Variants in NEK1 observed in about 807,000 individuals in gnomAD.
The protein encoded by NEK1 is serine/threonine-protein kinase Nek1.
In NEK1, 137 loss-of-function variants were observed where a neutral mutation model predicts 182.1. That is an observed-to-expected ratio of 0.75 (90% confidence interval 0.65 to 0.87). The LOEUF is 0.87. Among genes scored for constraint, NEK1 ranks in the 40% least tolerant of loss-of-function variants. NEK1 has a pLI of 0.00. For synonymous variants in NEK1, 513 were observed against 492.2 expected, an observed-to-expected ratio of 1.04 and a Z score of -0.56; for missense variants, 1,391 against 1,494.4, an observed-to-expected ratio of 0.93 and a Z score of 1.14.
chr4:169,570,756 G>T (rs1048804133), intron 12 of NEK1, among the ~76,000 whole-genome samples: 5 of 152,240 alleles, frequency 3.3e-5, no homozygotes, highest in Non-Finnish European at 7.3e-5. Context: ...GTGGGGAAAA[G>T]ATTGAGAAAT....
At chr4:169,403,991 C>G (rs1391040878) in intron 32 of NEK1, among the ~76,000 whole-genome samples, 1 of 151,950 alleles carries the variant, frequency 6.6e-6, no homozygotes, top group Non-Finnish European at 1.5e-5. Context: ...ATACTAAAGG[C>G]TTCTAACTTA....
At chr4:169,499,909 C>G (rs1205428611) in intron 23 of NEK1, among the ~76,000 whole-genome samples, 1 of 152,188 alleles carries the variant, frequency 6.6e-6, no homozygotes, top group Non-Finnish European at 1.5e-5. Context: ...CTGGGACAAC[C>G]ACTACTCTCT....
At chr4:169,582,184 C>T (rs1766761750) in intron 10 of NEK1, among the ~76,000 whole-genome samples, 1 of 151,760 alleles carries the variant, frequency 6.6e-6, no homozygotes, top group South Asian at 2.1e-4. Flanking sequence ...AGAACTGATT[C>T]TTGGTGAGAG....
chr4:169,545,834 CT>C lies in NEK1; in HGVS notation c.1563-7924del, dbSNP rs527622351. On this transcript the variant is annotated intron_variant, in intron 18 of 35. Coordinates refer to ENST00000507142, the MANE Select transcript of NEK1 (RefSeq NM_001199397.3). ...GAGCATTTTTTCATGTGTTTTTTGGCTGCATAAATGTCTTCTTTTGAGAAGT... is the reference window on the plus strand; with the variant it reads ...GAGCATTTTTTCATGTGTTTTTTGGCGCATAAATGTCTTCTTTTGAGAAGT... 2.6e-4 allele frequency among the ~76,000 whole-genome samples: 39 copies of C among 152,170 alleles called. No individual in the cohort carries two copies. The South Asian group carries it at 8.1e-3, about 32-fold the overall frequency.
intron 11 of NEK1, among the ~76,000 whole-genome samples, chr4:169,577,682 A>C (rs1311006431): frequency 6.6e-6 from 1 of 152,060 alleles, no homozygotes; most frequent in African/African-American, 2.4e-5. Context: ...TGAACCCAGG[A>C]GGTGGAGCTT....
chr4:169,525,370 T>A (rs1756739937), intron 19 of NEK1, among the ~76,000 whole-genome samples: 1 of 152,168 alleles, frequency 6.6e-6, no homozygotes, highest in Non-Finnish European at 1.5e-5. Flanking sequence ...CCTCAGGTGA[T>A]CTGCCTGCCT....
chr4:169,421,404 T>C (rs1202983106), intron 31 of NEK1, among the ~76,000 whole-genome samples: 2 of 152,178 alleles, frequency 1.3e-5, no homozygotes, highest in African/African-American at 4.8e-5. Flanking sequence ...TAGTTATCTA[T>C]ACAAGTTGAT....
chr4:169,556,692 C>T (rs12504510), intron 16 of NEK1, among the ~76,000 whole-genome samples: 25,736 of 144,270 alleles, frequency 0.18, 2,811 homozygotes, highest in South Asian at 0.32. Context: ...CAAGTGACAA[C>T]AGAGAAATTC....
At chr4:169,470,367 T>C (rs1348016379) in intron 26 of NEK1, among the ~76,000 whole-genome samples, 1 of 151,602 alleles carries the variant, frequency 6.6e-6, no homozygotes, top group South Asian at 2.1e-4. Flanking sequence ...TAAAGGATTT[T>C]TTCACTTATG....
chr4:169,540,454 A>ATGCTTAG (rs1366494471), intron 18 of NEK1, among the ~76,000 whole-genome samples: 1 of 152,152 alleles, frequency 6.6e-6, no homozygotes, highest in African/African-American at 2.4e-5. Context: ...CATAACCCAC[A>ATGCTTAG]TGCTTAGTCC....
At chr4:169,607,398 A>G (rs1306867807) in intron 2 of NEK1, among the ~76,000 whole-genome samples, 1 of 152,206 alleles carries the variant, frequency 6.6e-6, no homozygotes, top group Admixed American at 6.5e-5. Flanking sequence ...AACAAGATAA[A>G]AAGATGGATA....
chr4:169,434,694 C>G (rs1738075647), intron 28 of NEK1, among the ~76,000 whole-genome samples: 1 of 152,148 alleles, frequency 6.6e-6, no homozygotes, highest in Non-Finnish European at 1.5e-5. Flanking sequence ...TCTTACTTCC[C>G]CTGGAATACA....
intron 19 of NEK1, among the ~76,000 whole-genome samples, chr4:169,521,517 TC>T (rs1756044426): frequency 6.6e-6 from 1 of 152,178 alleles, no homozygotes; most frequent in South Asian, 2.1e-4. Flanking sequence ...TATTCGGCCA[TC>T]TTGGTTCCTC....
intron 23 of NEK1, among the ~76,000 whole-genome samples, chr4:169,490,546 A>T (rs986623758): frequency 6.6e-6 from 1 of 152,182 alleles, no homozygotes; most frequent in African/African-American, 2.4e-5. Context: ...AAACTCAGGG[A>T]TATACAAGAG....
chr4:169,569,555 T>G (rs1251102824), intron 12 of NEK1, among the ~76,000 whole-genome samples: 1 of 148,690 alleles, frequency 6.7e-6, no homozygotes, highest in Non-Finnish European at 1.5e-5. Flanking sequence ...GAAGCTGGAC[T>G]GTACTGCTGC....
intron 29 of NEK1, among the ~76,000 whole-genome samples, chr4:169,429,319 A>T (rs1472123707): frequency 6.6e-6 from 1 of 152,132 alleles, no homozygotes; most frequent in Admixed American, 6.5e-5. Flanking sequence ...ATATTCCTGC[A>T]TTTGCTTCTT....
At chr4:169,497,323 C>A (rs1270468970) in intron 23 of NEK1, among the ~76,000 whole-genome samples, 3 of 152,194 alleles carry the variant, frequency 2.0e-5, no homozygotes, top group Non-Finnish European at 2.9e-5. Flanking sequence ...TGCTAGCGGT[C>A]TATCAATTTT....
In NEK1 at chr4:169,394,358, T is replaced by C. The variant is rs1404461767; in HGVS notation, c.*152A>G. On this transcript the variant is annotated 3_prime_UTR_variant, in exon 36 of 36. Transcript: ENST00000507142. ...TTAGAATCTTCACTGAAAAATGGCA[T>C]GTTTCTCCATCTTTTTCATGCAATA... is the stretch of plus-strand genomic sequence containing the variant. The C allele has an allele frequency of 1.9e-6, 1 of 534,528 alleles. No homozygotes were observed. Among genetic ancestry groups the C allele is most frequent in the East Asian group, 3.4e-5 (1 of 29,202 alleles). 33.1% of individuals were successfully genotyped at this position (534,528 alleles called of 1,614,324 possible).
At chr4:169,527,712 C>T (rs938378972) in intron 19 of NEK1, among the ~76,000 whole-genome samples, 9 of 151,884 alleles carry the variant, frequency 5.9e-5, no homozygotes, top group African/African-American at 1.7e-4. Context: ...TTAAAGTGTT[C>T]AAATAATCTA....
Sources: allele counts gnomAD v4.1 joint callset (sites outside exome capture counted in the v4.1 genomes callset), GRCh38; gene constraint gnomAD v4.1.1; transcripts MANE v1.5; gene names NCBI Gene and HGNC (gene_info 2026-07-23, HGNC 2026-07-21).